SCAI: variants seen among roughly 807,000 people sequenced by gnomAD.
The protein encoded by SCAI is suppressor of cancer cell invasion.
In SCAI, 24 loss-of-function variants were observed where a neutral mutation model predicts 92.2. The observed-to-expected ratio is 0.26, with a 90% confidence interval of 0.19 to 0.37. SCAI has a LOEUF of 0.37. Ranked by LOEUF, SCAI falls within the 10% of genes least tolerant of loss-of-function variation. The pLI, the probability that SCAI is intolerant of heterozygous loss-of-function variation, is 1.00. For missense variants in SCAI, 450 were observed against 736.2 expected (o/e 0.61, Z 4.50); for synonymous variants, 261 against 258.6 (o/e 1.01, Z -0.09).
At chr9:125,057,930 C>A (rs112228716) in intron 2 of SCAI, among the ~76,000 whole-genome samples, 3,516 of 151,706 alleles carry the variant, frequency 0.023, 142 homozygotes, top group African/African-American at 0.081. Context: ...CTTGTCTCTA[C>A]AAAAAATGTA....
At chr9:125,133,514 A>G (rs1835449552) in intron 2 of SCAI, among the ~76,000 whole-genome samples, 1 of 152,256 alleles carries the variant, frequency 6.6e-6, no homozygotes, top group South Asian at 2.1e-4. Flanking sequence ...TACTTCACTA[A>G]GTTATATGAA....
intron 17 of SCAI, among the ~76,000 whole-genome samples, chr9:124,959,804 C>T (rs982289997): frequency 1.1e-4 from 16 of 150,030 alleles, no homozygotes; most frequent in African/African-American, 2.0e-4. Flanking sequence ...TTTGTCCTTG[C>T]GACAGTTTGC....
intron 2 of SCAI, among the ~76,000 whole-genome samples, chr9:125,079,068 G>T: frequency 1.3e-5 from 2 of 148,978 alleles, no homozygotes; most frequent in African/African-American, 2.5e-5. Flanking sequence ...TCCTATATAA[G>T]CTTTTCTTGC....
At chr9:125,136,663 A>G in intron 2 of SCAI, among the ~76,000 whole-genome samples, 1 of 151,340 alleles carries the variant, frequency 6.6e-6, no homozygotes, top group East Asian at 1.9e-4. Context: ...GTTTCGCTAC[A>G]TTGGCCAGAC....
intron 17 of SCAI, among the ~76,000 whole-genome samples, chr9:124,962,651 C>A (rs1386618359): frequency 6.6e-6 from 1 of 152,074 alleles, no homozygotes; most frequent in Non-Finnish European, 1.5e-5. Flanking sequence ...TGGCATGCAA[C>A]CACAATGGCA....
intron 2 of SCAI, among the ~76,000 whole-genome samples, chr9:125,085,636 C>T (rs1281252842): frequency 2.6e-5 from 4 of 152,174 alleles, no homozygotes; most frequent in Non-Finnish European, 4.4e-5. Flanking sequence ...AAAAACTTAG[C>T]CAGGTGTTGT....
At chr9:125,023,903 C>A (rs1245519473) in intron 6 of SCAI, among the ~76,000 whole-genome samples, 2 of 152,008 alleles carry the variant, frequency 1.3e-5, no homozygotes, top group African/African-American at 4.8e-5. Context: ...AGCCCGATAA[C>A]CTGAACCACA....
chr9:124,968,067 C>T (rs559243598), intron 17 of SCAI, among the ~76,000 whole-genome samples: 2 of 152,080 alleles, frequency 1.3e-5, no homozygotes, highest in African/African-American at 4.8e-5. Flanking sequence ...TAAAGGATAT[C>T]ATATGAGGGA....
chr9:125,037,287 A>T (rs80013543), intron 3 of SCAI, among the ~76,000 whole-genome samples: 1 of 147,640 alleles, frequency 6.8e-6, no homozygotes, highest in African/African-American at 2.5e-5. Context: ...AAAAAAAAAA[A>T]TTAGCCAGGC....
chr9:125,111,083 G>A (rs2131231997), intron 2 of SCAI, among the ~76,000 whole-genome samples: 1 of 152,244 alleles, frequency 6.6e-6, no homozygotes, highest in South Asian at 2.1e-4. Context: ...GAAGGGCAGT[G>A]TATGTACAAA....
intron 3 of SCAI, among the ~76,000 whole-genome samples, chr9:125,031,118 C>T (rs1302979260): frequency 6.6e-6 from 1 of 152,082 alleles, no homozygotes; most frequent in East Asian, 1.9e-4. Context: ...TTGTAGAAAC[C>T]TTATAAACTC....
intron 9 of SCAI, among the ~76,000 whole-genome samples, chr9:125,010,923 G>A (rs1212369542): frequency 6.6e-6 from 1 of 151,990 alleles, no homozygotes; most frequent in Non-Finnish European, 1.5e-5. Flanking sequence ...AGGCAAACAG[G>A]GTCTGGAGTG....
At chr9:124,971,602 T>TAA (rs1435840328) in intron 16 of SCAI, 69 bp downstream of exon 16, 1 of 1,453,582 alleles carries the variant, frequency 6.9e-7, no homozygotes, top group Non-Finnish European at 9.3e-7. Context: ...TCAAACAATT[T>TAA]AAAATAAGTA....
At chr9:125,039,372 C>T (rs1315014960) in intron 3 of SCAI, among the ~76,000 whole-genome samples, 2 of 128,660 alleles carry the variant, frequency 1.6e-5, no homozygotes, top group Admixed American at 9.5e-5. Context: ...GGCAACAGAG[C>T]GAGACTCCAT....
At chr9:125,089,584 C>T (rs1401553965) in intron 2 of SCAI, among the ~76,000 whole-genome samples, 1 of 152,166 alleles carries the variant, frequency 6.6e-6, no homozygotes, top group African/African-American at 2.4e-5. Flanking sequence ...CCACTTCAGA[C>T]CTACAAAATC....
chr9:125,001,683 A>G (rs1832364867), intron 12 of SCAI, among the ~76,000 whole-genome samples: 1 of 152,228 alleles, frequency 6.6e-6, no homozygotes, highest in African/African-American at 2.4e-5. Flanking sequence ...CCTTATGTAT[A>G]TCTAAATGTA....
rs757295899 is a variant in SCAI at position 124,949,407 on chromosome 9, G to A, written c.*3400C>T. ...AAAACTTTCATAAAAAGAAAGAAAA[G>A]GCAAAGTGTTCATGCAAATGTGACC... On this transcript the variant is annotated 3_prime_UTR_variant, in exon 18 of 18. Coordinates refer to ENST00000336505, the MANE Select transcript of SCAI (RefSeq NM_001144877.3). This position sits in a 1 kb window ranked among gnomAD's most constrained non-coding sequence, Gnocchi z 4.0. 16 of 152,194 alleles carry A rather than the reference G, an allele frequency of 1.1e-4. No individual in the cohort carries two copies. Among genetic ancestry groups the A allele is most frequent in the Non-Finnish European group, 2.4e-4 (16 of 68,032 alleles). The allele number at this position is 152,194 out of a possible 1,614,324, so 9.4% of individuals were successfully genotyped here. A position where few individuals can be genotyped will look rare whatever the true frequency, so the allele number is the denominator to read the frequency against.
intron 2 of SCAI, among the ~76,000 whole-genome samples, chr9:125,104,949 C>A (rs916034446): frequency 1.3e-5 from 2 of 148,868 alleles, no homozygotes; most frequent in Non-Finnish European, 3.0e-5. Context: ...CAGAGCAAGA[C>A]CCTGTCTCAA....
At chr9:125,048,015 G>A (rs554395353) in intron 3 of SCAI, among the ~76,000 whole-genome samples, 12 of 151,244 alleles carry the variant, frequency 7.9e-5, no homozygotes, top group African/African-American at 2.4e-4. Context: ...TTTCACTCTT[G>A]TTGCCCAGGC....
Sources: allele counts gnomAD v4.1 joint callset (sites outside exome capture counted in the v4.1 genomes callset), GRCh38; gene constraint gnomAD v4.1.1; non-coding constraint Gnocchi (gnomAD v3.1); transcripts MANE v1.5; gene names NCBI Gene and HGNC (gene_info 2026-07-23, HGNC 2026-07-21).